Variants in HS3ST4 observed in about 807,000 individuals in gnomAD.
HS3ST4 encodes the protein heparan sulfate glucosamine 3-O-sulfotransferase 4.
A neutral mutation model predicts 29.2 loss-of-function variants in HS3ST4; 17 were observed. The ratio of observed to expected loss-of-function variants is 0.58; its 90% CI spans 0.40 to 0.87. The LOEUF (loss-of-function observed/expected upper bound fraction) is 0.87. Among genes scored for constraint, HS3ST4 ranks in the 40% least tolerant of loss-of-function variants. HS3ST4 has a pLI of 0.00. For missense variants in HS3ST4, 627 were observed against 634.5 expected (o/e 0.99, Z 0.13); for synonymous variants, 314 against 285.7 (o/e 1.10, Z -1.00).
At position 26,029,215 on chromosome 16, in the gene HS3ST4, G is replaced by T. The variant is rs574223612; in HGVS notation, c.735-106397G>T. 6.6e-5 allele frequency among the ~76,000 whole-genome samples: 10 copies of T among 152,292 alleles called. No individual in the cohort carries two copies. In the South Asian group the frequency reaches 2.1e-3, roughly 32 times the overall value. The stretch of plus-strand genomic sequence containing the variant: ...CAGAATGGTCACTAGAAAAAAATGA[G>T]CTAAGAGTTATGATGCTGTGGTAGC... On this transcript the variant is annotated intron_variant, in intron 1 of 1. Transcript: ENST00000331351.
At chr16:25,721,769 G>A (rs1243344382) in intron 1 of HS3ST4, among the ~76,000 whole-genome samples, 1 of 152,200 alleles carries the variant, frequency 6.6e-6, no homozygotes, top group Non-Finnish European at 1.5e-5. Flanking sequence ...GGGAAAGAAC[G>A]TCATGAGGGA....
intron 1 of HS3ST4, among the ~76,000 whole-genome samples, chr16:25,759,321 C>G (rs1436151312): frequency 6.6e-6 from 1 of 152,242 alleles, no homozygotes. Flanking sequence ...TTCCATCCTT[C>G]CATGTTGTCA....
chr16:25,800,064 GCCTTCCTT>G (rs375409683), intron 1 of HS3ST4, among the ~76,000 whole-genome samples: 55 of 147,754 alleles, frequency 3.7e-4, no homozygotes, highest in African/African-American at 1.1e-3. Context: ...TTGCCTTCCT[GCCTTCCTT>G]CCTTCCTTCC....
intron 1 of HS3ST4, among the ~76,000 whole-genome samples, chr16:25,697,557 A>G (rs1426824975): frequency 6.6e-6 from 1 of 152,142 alleles, no homozygotes; most frequent in African/African-American, 2.4e-5. Context: ...TTAAAAGTAC[A>G]CTTGTGACTC....
At chr16:25,970,621 T>C (rs55755718) in intron 1 of HS3ST4, among the ~76,000 whole-genome samples, 13,279 of 152,068 alleles carry the variant, frequency 0.087, 767 homozygotes, top group Non-Finnish European at 0.12. Context: ...GCAATCCCCT[T>C]GTCTTAACCT....
intron 1 of HS3ST4, among the ~76,000 whole-genome samples, chr16:26,131,807 G>C (rs1023646004): frequency 1.3e-5 from 2 of 152,144 alleles, no homozygotes; most frequent in Admixed American, 6.5e-5. Context: ...CCTAGCATTA[G>C]GACTGGCCTA....
chr16:26,008,172 G>T (rs1316119029), intron 1 of HS3ST4, among the ~76,000 whole-genome samples: 3 of 152,170 alleles, frequency 2.0e-5, no homozygotes, highest in Admixed American at 1.3e-4. Flanking sequence ...GTCTGAAGTG[G>T]CCAAAGCAAG....
At chr16:25,859,196 G>T (rs1967613364) in intron 1 of HS3ST4, among the ~76,000 whole-genome samples, 3 of 150,448 alleles carry the variant, frequency 2.0e-5, no homozygotes, top group Admixed American at 2.0e-4. Context: ...TTAAGAAAAG[G>T]TATGTTTGGC....
At chr16:25,710,325 C>T (rs1966406842) in intron 1 of HS3ST4, among the ~76,000 whole-genome samples, 1 of 152,174 alleles carries the variant, frequency 6.6e-6, no homozygotes, top group Admixed American at 6.5e-5. Flanking sequence ...CCTGGAGGAT[C>T]TTGAAGGTTC....
chr16:25,932,688 T>C (rs1031667673), intron 1 of HS3ST4, among the ~76,000 whole-genome samples: 49 of 152,340 alleles, frequency 3.2e-4, no homozygotes, highest in African/African-American at 1.2e-3. Flanking sequence ...TTTAAATGCA[T>C]GATCCTATGT....
chr16:25,746,287 G>T (rs951148264), intron 1 of HS3ST4, among the ~76,000 whole-genome samples: 1 of 152,196 alleles, frequency 6.6e-6, no homozygotes, highest in Non-Finnish European at 1.5e-5. Context: ...AAAGGTGATG[G>T]ATCAGCCAGG....
intron 1 of HS3ST4, among the ~76,000 whole-genome samples, chr16:25,975,957 T>G (rs1426742106): frequency 6.6e-6 from 1 of 152,244 alleles, no homozygotes; most frequent in Non-Finnish European, 1.5e-5. Context: ...TGGGTCCCTC[T>G]CTGCATCTCA....
chr16:26,047,855 C>T, intron 1 of HS3ST4, among the ~76,000 whole-genome samples: 1 of 152,168 alleles, frequency 6.6e-6, no homozygotes, highest in East Asian at 1.9e-4. Context: ...AGCGGTGTAA[C>T]AGAGACTGCA....
At chr16:26,091,336 A>G (rs139482028) in intron 1 of HS3ST4, among the ~76,000 whole-genome samples, 144 of 152,326 alleles carry the variant, frequency 9.5e-4, no homozygotes, top group African/African-American at 3.3e-3. Context: ...ATATAGTGAA[A>G]ACATGTAGCA....
intron 1 of HS3ST4, among the ~76,000 whole-genome samples, chr16:25,907,719 CA>C (rs1337579657): frequency 6.6e-6 from 1 of 152,186 alleles, no homozygotes; most frequent in Non-Finnish European, 1.5e-5. Context: ...AACACACACA[CA>C]GTGCACATGT....
At chr16:26,120,455 G>A (rs765444828) in intron 1 of HS3ST4, among the ~76,000 whole-genome samples, 20 of 152,308 alleles carry the variant, frequency 1.3e-4, no homozygotes, top group South Asian at 4.1e-4. Flanking sequence ...TTGGCACTTC[G>A]TAAAAAGGTC....
intron 1 of HS3ST4, among the ~76,000 whole-genome samples, chr16:25,826,521 GAGGAAATCAAGGATATCA>G (rs1187184561): frequency 1.3e-5 from 2 of 152,116 alleles, no homozygotes; most frequent in Non-Finnish European, 2.9e-5. Flanking sequence ...GGATATTATT[GAGGAAATCAAGGATATCA>G]AGGAAATCAA....
At chr16:26,115,465 A>G (rs984650424) in intron 1 of HS3ST4, among the ~76,000 whole-genome samples, 1 of 152,108 alleles carries the variant, frequency 6.6e-6, no homozygotes, top group Admixed American at 6.6e-5. Flanking sequence ...TCAGGGACAG[A>G]GCTTTTCTGA....
rs151300260 is a variant in HS3ST4 at position 25,803,096 on chromosome 16, CAT to C, written c.734+109956_734+109957del. Among the ~76,000 whole-genome samples, 981 of 151,128 alleles carry C rather than the reference CAT, an allele frequency of 6.5e-3. 34 individuals are homozygous for C. The highest frequency in any genetic ancestry group is 0.051 in the Admixed American group (769 of 15,130). On this transcript the variant is annotated intron_variant, in intron 1 of 1. Transcript: ENST00000331351. ...TTCTCTTTTTCTGTCTCTTTTCTCA[CAT>C]ATATATATATGTAGAGAGAGAGAGT...
Sources: allele counts gnomAD v4.1 joint callset (sites outside exome capture counted in the v4.1 genomes callset), GRCh38; gene constraint gnomAD v4.1.1; transcripts MANE v1.5; gene names NCBI Gene and HGNC (gene_info 2026-07-23, HGNC 2026-07-21).